Variants in GRM1 observed in about 807,000 individuals in gnomAD.
GRM1 encodes glutamate metabotropic receptor 1.
In GRM1, 33 loss-of-function variants were observed where a neutral mutation model predicts 90.9. The observed-to-expected ratio is 0.36, with a 90% CI of 0.28 to 0.49. GRM1 has a LOEUF of 0.49. Among genes scored for constraint, GRM1 ranks in the 20% least tolerant of loss-of-function variants. The pLI, the probability that GRM1 is intolerant of heterozygous loss-of-function variation, is 0.99. For synonymous variants in GRM1, 700 were observed against 613.2 expected, an observed-to-expected ratio of 1.14 and a Z score of -2.09; for missense variants, 1,190 against 1,534.3, an observed-to-expected ratio of 0.78 and a Z score of 3.75.
chr6:146,243,788 G>A (rs774533558), intron 2 of GRM1, among the ~76,000 whole-genome samples: 16 of 152,098 alleles, frequency 1.1e-4, no homozygotes, highest in Non-Finnish European at 1.8e-4. Context: ...AGGTGGGAAT[G>A]TCCTCATCCT....
intron 2 of GRM1, among the ~76,000 whole-genome samples, chr6:146,231,914 A>T (rs1348556104): frequency 3.9e-5 from 6 of 152,054 alleles, no homozygotes; most frequent in Non-Finnish European, 1.5e-5. Context: ...CTGTAAGCGT[A>T]CATCTTAGCC....
Position 146,029,461 on chromosome 6 carries a change from G to C in GRM1, c.-57G>C. The C allele has an allele frequency of 7.2e-7, 1 of 1,395,024 alleles. No individual in the cohort carries two copies. The highest frequency in any genetic ancestry group is 1.0e-6 in the Non-Finnish European group (1 of 980,838). 86.4% of individuals were successfully genotyped at this position (1,395,024 alleles called of 1,614,324 possible). ...TCTTGGGGGTGCGCGCCGGGAGCCTGCAGCGGGACCAGCGTGGGAACGCGG... is the reference window on the plus strand; with the variant it reads ...TCTTGGGGGTGCGCGCCGGGAGCCTCCAGCGGGACCAGCGTGGGAACGCGG... On this transcript the variant is annotated 5_prime_UTR_variant, in exon 1 of 8. Coordinates refer to ENST00000282753, the MANE Select transcript of GRM1 (RefSeq NM_001278064.2).
At chr6:146,409,825 T>G (rs1777493934) in intron 7 of GRM1, among the ~76,000 whole-genome samples, 1 of 152,192 alleles carries the variant, frequency 6.6e-6, no homozygotes, top group South Asian at 2.1e-4. Flanking sequence ...ATGCAAATTA[T>G]CTGTAAGATA....
intron 2 of GRM1, among the ~76,000 whole-genome samples, chr6:146,252,249 G>A (rs1781314355): frequency 6.6e-6 from 1 of 152,150 alleles, no homozygotes. Flanking sequence ...GCAAAAAACA[G>A]AGGTAATAAA....
chr6:146,283,043 C>T (rs1016385658), intron 2 of GRM1, among the ~76,000 whole-genome samples: 1 of 152,162 alleles, frequency 6.6e-6, no homozygotes, highest in Non-Finnish European at 1.5e-5. Context: ...GCGCTTCTGC[C>T]ATCACCACAA....
intron 2 of GRM1, among the ~76,000 whole-genome samples, chr6:146,279,772 A>G (rs916615046): frequency 1.3e-5 from 2 of 152,142 alleles, no homozygotes; most frequent in African/African-American, 4.8e-5. Context: ...AAATAATATT[A>G]TACTGACTAT....
At position 146,434,912 on chromosome 6, in the gene GRM1, G is replaced by A. The variant is rs530667692; in HGVS notation, c.*116G>A. On this transcript the variant is annotated 3_prime_UTR_variant, in exon 8 of 8. Transcript: ENST00000282753. ...GTGGGGGGCCTCGTCGGGAGGACAG[G>A]AGACCGCTGCTGCTGCTGCCGCTAC... 1 of 881,710 alleles carries A rather than the reference G, an allele frequency of 1.1e-6. No homozygotes were observed. The highest frequency in any genetic ancestry group is 1.6e-5 in the African/African-American group (1 of 60,830). 54.6% of individuals were successfully genotyped at this position (881,710 alleles called of 1,614,324 possible). A position where few individuals can be genotyped will look rare whatever the true frequency, so the allele number is the denominator to read the frequency against.
chr6:146,102,283 A>T (rs1038588588), intron 1 of GRM1, among the ~76,000 whole-genome samples: 1 of 152,166 alleles, frequency 6.6e-6, no homozygotes, highest in Non-Finnish European at 1.5e-5. Context: ...TTCACTTAAC[A>T]TACCAACTTC....
intron 1 of GRM1, among the ~76,000 whole-genome samples, chr6:146,052,912 C>G (rs1775345054): frequency 6.6e-6 from 1 of 151,962 alleles, no homozygotes; most frequent in South Asian, 2.1e-4. Context: ...TTTCCAGAAC[C>G]TAGAACAATG....
intron 1 of GRM1, among the ~76,000 whole-genome samples, chr6:146,104,455 A>G (rs1040683253): frequency 1.3e-5 from 2 of 152,134 alleles, no homozygotes; most frequent in African/African-American, 4.8e-5. Context: ...AAAGAAAAAA[A>G]AAAGAAAGAA....
chr6:146,059,259 G>T (rs1775583677), intron 1 of GRM1, among the ~76,000 whole-genome samples: 1 of 152,144 alleles, frequency 6.6e-6, no homozygotes, highest in Admixed American at 6.6e-5. Flanking sequence ...AACAGATGTT[G>T]TATTAGCAGC....
At chr6:146,266,910 G>T (rs1046562146) in intron 2 of GRM1, among the ~76,000 whole-genome samples, 1 of 152,152 alleles carries the variant, frequency 6.6e-6, no homozygotes, top group Non-Finnish European at 1.5e-5. Flanking sequence ...TTAAGCTTAG[G>T]GGTACATGTG....
Position 146,399,769 on chromosome 6 carries a change from C to CTCTA in GRM1, c.2660+73_2660+74insATCT. 3 of 1,052,458 alleles carry CTCTA rather than the reference C, an allele frequency of 2.9e-6. No homozygotes were observed. In the South Asian group the frequency reaches 4.0e-5, roughly 14 times the overall value. 65.2% of individuals were successfully genotyped at this position (1,052,458 alleles called of 1,614,324 possible). On this transcript the variant is annotated intron_variant, in intron 7 of 7. Coordinates refer to ENST00000282753, the MANE Select transcript of GRM1 (RefSeq NM_001278064.2). This position sits in a 1 kb window ranked among gnomAD's most constrained non-coding sequence, Gnocchi z 5.4. ...TGTCTCTTTCTCTCTCTCTCTCTCT[C>CTCTA]TCTCTTTCTCTGTCTCTCATATCTT...
chr6:146,129,288 G>T (rs750645317), intron 1 of GRM1, among the ~76,000 whole-genome samples: 4 of 152,150 alleles, frequency 2.6e-5, no homozygotes, highest in Admixed American at 6.6e-5. Context: ...GCAGCCTCCA[G>T]AAGCAGTGAC....
At chr6:146,372,822 C>T (rs974850581) in intron 5 of GRM1, among the ~76,000 whole-genome samples, 1 of 151,894 alleles carries the variant, frequency 6.6e-6, no homozygotes, top group Non-Finnish European at 1.5e-5. Context: ...GGTCTATGTG[C>T]CTGTTTTTAT....
chr6:146,185,223 T>G (rs1778690434), intron 2 of GRM1, among the ~76,000 whole-genome samples: 1 of 152,172 alleles, frequency 6.6e-6, no homozygotes, highest in African/African-American at 2.4e-5. Flanking sequence ...AAATGTACAT[T>G]AACTTCCTCT....
At chr6:146,389,706 C>A (rs1776648084) in intron 6 of GRM1, among the ~76,000 whole-genome samples, 1 of 152,122 alleles carries the variant, frequency 6.6e-6, no homozygotes, top group Non-Finnish European at 1.5e-5. Flanking sequence ...ACTCCTCAGA[C>A]CATGCCCTTA....
chr6:146,383,045 T>G (rs2300620), intron 5 of GRM1, among the ~76,000 whole-genome samples: 48,379 of 150,140 alleles, frequency 0.32, 11,324 homozygotes, highest in African/African-American at 0.68. Context: ...GTCTAGAGGG[T>G]TGACTATGAA....
At chr6:146,397,955 AT>A (rs1275620500) in intron 6 of GRM1, among the ~76,000 whole-genome samples, 2 of 152,318 alleles carry the variant, frequency 1.3e-5, no homozygotes, top group South Asian at 4.1e-4. Flanking sequence ...ATATTTTGTG[AT>A]TACAAAATTC....
Sources: allele counts gnomAD v4.1 joint callset (sites outside exome capture counted in the v4.1 genomes callset), GRCh38; gene constraint gnomAD v4.1.1; non-coding constraint Gnocchi (gnomAD v3.1); transcripts MANE v1.5; gene names NCBI Gene and HGNC (gene_info 2026-07-23, HGNC 2026-07-21).